The following FSIP2 variants were observed in gnomAD, a reference collection of about 807,000 sequenced individuals.
FSIP2 encodes fibrous sheath interacting protein 2.
Under a neutral mutation model 510.5 loss-of-function variants are expected in FSIP2, and 367 were observed. That is an observed-to-expected ratio of 0.72 (90% CI 0.66 to 0.78). The LOEUF (loss-of-function observed/expected upper bound fraction) is 0.78, where lower values mean the gene tolerates loss of function less well. Ranked by LOEUF, FSIP2 falls within the 30% of genes least tolerant of loss-of-function variation. FSIP2 has a pLI of 0.00. For missense variants in FSIP2, 7,594 were observed against 7,901.7 expected (o/e 0.96, Z 1.48); for synonymous variants, 2,601 against 2,732.2 (o/e 0.95, Z 1.50).
At position 185,801,786 on chromosome 2, in the gene FSIP2, A is replaced by G. The variant is rs558161842; in HGVS notation, c.12480A>G (p.Thr4160=). Residue 4160 remains threonine (T), a synonymous_variant, in exon 17 of 23, where the codon ACA becomes ACG. Transcript: ENST00000424728. ...LLSQLIPPPI[T]CSSLGKKYLM... ...CTCAGCTAATTCCTCCACCCATTAC[A>G]TGTTCCTCTTTAGGAAAAAAATATT... 7 of 1,501,524 alleles carry G rather than the reference A, an allele frequency of 4.7e-6. No homozygotes were observed. Among genetic ancestry groups the G allele is most frequent in the East Asian group, 2.5e-5 (1 of 40,692 alleles). The allele number at this position is 1,501,524 out of a possible 1,614,324, so 93.0% of individuals were successfully genotyped here. A position where few individuals can be genotyped will look rare whatever the true frequency, so the allele number is the denominator to read the frequency against.
At position 185,801,425 on chromosome 2, in the gene FSIP2, C is replaced by A. The variant is rs755846037; in HGVS notation, c.12119C>A (p.Thr4040Lys). The A allele has an allele frequency of 6.5e-7, 1 of 1,533,880 alleles. No individual in the cohort carries two copies. The highest frequency in any genetic ancestry group is 2.4e-5 in the East Asian group (1 of 40,830). Residue 4040 changes from threonine to lysine, a missense_variant, in exon 17 of 23, where the codon ACA becomes AAA. Physicochemically the swap from Thr to Lys is moderately conservative, Grantham distance 78 (BLOSUM62 -1). Transcript: ENST00000424728. ...EERLCFPPVH[T>K]ETVSKIVDSV... The stretch of plus-strand genomic sequence containing the variant: ...AGGCTGTGTTTTCCACCAGTTCATA[C>A]AGAAACTGTTAGCAAAATTGTTGAC...
intron 15 of FSIP2, 92 bp downstream of exon 15, chr2:185,786,380 G>C: frequency 2.5e-6 from 2 of 788,282 alleles, no homozygotes; most frequent in Non-Finnish European, 2.0e-6. Flanking sequence ...TAAGTAATAG[G>C]AATCATCCAT....
rs1692361874 is a variant in FSIP2 at position 185,762,008 on chromosome 2, G to A, written c.1231G>A (p.Asp411Asn). The A allele has an allele frequency of 4.1e-6, 6 of 1,452,732 alleles. No homozygotes were observed. Among genetic ancestry groups the A allele is most frequent in the East Asian group, 5.0e-5 (2 of 40,218 alleles). 90.0% of individuals were successfully genotyped at this position (1,452,732 alleles called of 1,614,324 possible). Residue 411 changes from aspartate to asparagine, a missense_variant, in exon 11 of 23, where the codon GAT (aspartate) becomes AAT (asparagine). Asp to Asn is a conservative substitution (Grantham distance 23). Coordinates refer to ENST00000424728, the MANE Select transcript of FSIP2 (RefSeq NM_173651.4). ...GGTATCTAAAAACTCAAGTATTTTC[G>A]ATGATAGAGGTAAGAAAATAAACAA... is the stretch of plus-strand genomic sequence containing the variant. ...GMVSKNSSIF[D>N]DRGGINISGQ...
rs770813198 is a variant in FSIP2, at chr2:185,790,726, T to A, written c.3590T>A (p.Val1197Asp). 1.3e-6 allele frequency: 2 copies of A among 1,533,742 alleles called. No homozygotes were observed. Among genetic ancestry groups the A allele is most frequent in the Admixed American group, 3.9e-5 (2 of 50,840 alleles). The change falls in exon 16 of 23, where the codon GTT becomes GAT. Residue 1197 changes from valine (V) to aspartate (D), a missense_variant. Transcript: ENST00000424728. The part of the protein sequence containing the change: ...NTTKSSISSS[V>D]HQISLHNSDT... ...ACTAAAAGTTCCATTTCATCATCAG[T>A]TCATCAGATTTCCTTACATAATTCT...
chr2:185,763,030 T>C (rs1200216273), intron 11 of FSIP2, among the ~76,000 whole-genome samples, 153 bp from the exon 12 acceptor site: 3 of 151,552 alleles, frequency 2.0e-5, no homozygotes, highest in Non-Finnish European at 4.4e-5. Flanking sequence ...TTTGGAGATA[T>C]TTCCTTGACT....
chr2:185,804,381 C>A lies in FSIP2; in HGVS notation c.15075C>A (p.Val5025=). Residue 5025 remains valine, a synonymous_variant, in exon 17 of 23, where the codon GTC becomes GTA. Coordinates refer to ENST00000424728, the MANE Select transcript of FSIP2 (RefSeq NM_173651.4). ...ERYKEMVQKI[V]NSVYGKVLDQ... ...ACAAAGAAATGGTTCAAAAAATAGTCAACTCAGTATATGGAAAAGTATTAG... is the reference window on the plus strand; with the variant it reads ...ACAAAGAAATGGTTCAAAAAATAGTAAACTCAGTATATGGAAAAGTATTAG... 1 of 1,501,664 alleles carries A rather than the reference C, an allele frequency of 6.7e-7. No homozygotes were observed. Among genetic ancestry groups the A allele is most frequent in the Non-Finnish European group, 8.8e-7 (1 of 1,131,094 alleles). The allele number at this position is 1,501,664 out of a possible 1,614,324, so 93.0% of individuals were successfully genotyped here.
chr2:185,789,958 T>A lies in FSIP2; in HGVS notation c.2822T>A (p.Ile941Asn), dbSNP rs766656386. 3 of 1,534,308 alleles carry A rather than the reference T, an allele frequency of 2.0e-6. No individual in the cohort carries two copies. The South Asian group carries it at 3.6e-5, about 18-fold the overall frequency. Residue 941 changes from isoleucine to asparagine, a missense_variant, in exon 16 of 23, where the codon ATC (isoleucine) becomes AAC (asparagine). Physicochemically the swap from Ile to Asn is moderately radical, Grantham distance 149 (BLOSUM62 -3). Coordinates refer to ENST00000424728, the MANE Select transcript of FSIP2 (RefSeq NM_173651.4). ...GTACTCCTTCAGCTACTTGAGGACA[T>A]CCTTTTTCAGCTCCATCAGGAACCA... is the stretch of plus-strand genomic sequence containing the variant. Reference protein sequence around the residue: ...TVVLLQLLEDILFQLHQEPVN... With the variant: ...TVVLLQLLEDNLFQLHQEPVN...
rs1693409460 is a variant in FSIP2 at position 185,800,574 on chromosome 2, AT to A, written c.11269del (p.Cys3757ValfsTer35). 2.6e-6 allele frequency: 4 copies of A among 1,529,314 alleles called. No homozygotes were observed. Among genetic ancestry groups the A allele is most frequent in the Non-Finnish European group, 3.5e-6 (4 of 1,143,860 alleles). The allele number at this position is 1,529,314 out of a possible 1,614,324, so 94.7% of individuals were successfully genotyped here. A position where few individuals can be genotyped will look rare whatever the true frequency, so the allele number is the denominator to read the frequency against. On this transcript the variant is annotated frameshift_variant, in exon 17 of 23. Transcript: ENST00000424728. LOFTEE classifies it high-confidence loss of function. ...AATCAGTTTTTCTTCTCAATGTTGT[AT>A]GTGAGAAACTTATCAGAATACTTTT... ...SKSVFLLNVVCEKLIRILLEE... is the reference protein window; with the variant it reads ...SKSVFLLNVVXEKLIRILLEE...
chr2:185,761,929 AG>A lies in FSIP2; in HGVS notation c.1195-42del, dbSNP rs747244915. 47 of 1,050,844 alleles carry A rather than the reference AG, an allele frequency of 4.5e-5. No homozygotes were observed. The South Asian group carries it at 7.2e-4, about 16-fold the overall frequency. The allele number at this position is 1,050,844 out of a possible 1,614,324, so 65.1% of individuals were successfully genotyped here. A position where few individuals can be genotyped will look rare whatever the true frequency, so the allele number is the denominator to read the frequency against. ...AAGGCAGAATCTTTTTTGGAAGTACAGTTACTAATGTAATTTTTTCTCTTCA... is the reference window on the plus strand; with the variant it reads ...AAGGCAGAATCTTTTTTGGAAGTACATTACTAATGTAATTTTTTCTCTTCA... On this transcript the variant is annotated intron_variant, in intron 10 of 22. Coordinates refer to ENST00000424728, the MANE Select transcript of FSIP2 (RefSeq NM_173651.4).
Position 185,804,655 on chromosome 2 carries a change from C to T in FSIP2, c.15349C>T (p.Leu5117Phe). The T allele has an allele frequency of 6.5e-7, 1 of 1,532,956 alleles. No individual in the cohort carries two copies. The highest frequency in any genetic ancestry group is 8.7e-7 in the Non-Finnish European group (1 of 1,144,782). The allele number at this position is 1,532,956 out of a possible 1,614,324, so 95.0% of individuals were successfully genotyped here. The change falls in exon 17 of 23, where the codon CTT becomes TTT. Residue 5117 changes from leucine (L) to phenylalanine (F), a missense_variant. Leu to Phe is a conservative substitution (Grantham distance 22). Transcript: ENST00000424728. ...PPYITVLPHS[L>F]LEDMVYRLLG... ...ATATATTACTGTGTTGCCTCATTCT[C>T]TTTTAGAAGATATGGTTTACAGGCT...
chr2:185,814,696 G>T (rs1693798815), intron 18 of FSIP2, among the ~76,000 whole-genome samples: 1 of 151,884 alleles, frequency 6.6e-6, no homozygotes, highest in South Asian at 2.1e-4. Context: ...ACATTTTAAT[G>T]GAAAAAAGTT....
rs551288794 is a variant in FSIP2 at position 185,776,098 on chromosome 2, T to C, written c.1412-6607T>C. Among the ~76,000 whole-genome samples, 25 of 152,256 alleles carry C rather than the reference T, an allele frequency of 1.6e-4. 1 individual carries two copies. Among genetic ancestry groups the C allele is most frequent in the African/African-American group, 1.7e-4 (7 of 41,556 alleles). On this transcript the variant is annotated intron_variant, in intron 13 of 22. Transcript: ENST00000424728. ...CAGACTGGGCAAAATGGTGATACAC[T>C]GTCTCTACCTAAAGTACAAAAACTT...
Position 185,793,935 on chromosome 2 carries a change from G to A in FSIP2, c.6799G>A (p.Glu2267Lys). Residue 2267 changes from glutamate (E) to lysine (K), a missense_variant, in exon 16 of 23, where the codon GAA (glutamate) becomes AAA (lysine). Transcript: ENST00000424728. The part of the protein sequence containing the change: ...IFKRLESFAT[E>K]RIDSLITLAF... ...TAAACGTTTGGAATCTTTTGCCACA[G>A]AAAGAATAGATTCATTAATTACCCT... The A allele has an allele frequency of 6.6e-7, 1 of 1,525,096 alleles. No homozygotes were observed. The highest frequency in any genetic ancestry group is 8.8e-7 in the Non-Finnish European group (1 of 1,142,466). 94.5% of individuals were successfully genotyped at this position (1,525,096 alleles called of 1,614,324 possible).
intron 9 of FSIP2, among the ~76,000 whole-genome samples, chr2:185,759,740 A>T (rs1047795958): frequency 6.7e-6 from 1 of 149,172 alleles, no homozygotes; most frequent in Non-Finnish European, 1.5e-5. Flanking sequence ...CGAATTTTTA[A>T]TTTATTATAA....
rs1488428195 is a variant in FSIP2 at position 185,802,559 on chromosome 2, T to C, written c.13253T>C (p.Leu4418Pro). 3.3e-6 allele frequency: 5 copies of C among 1,529,864 alleles called. No individual in the cohort carries two copies. The highest frequency in any genetic ancestry group is 2.0e-5 in the Admixed American group (1 of 50,082). 94.8% of individuals were successfully genotyped at this position (1,529,864 alleles called of 1,614,324 possible). A position where few individuals can be genotyped will look rare whatever the true frequency, so the allele number is the denominator to read the frequency against. Residue 4418 changes from leucine (L) to proline (P), a missense_variant, in exon 17 of 23, where the codon CTT (leucine) becomes CCT (proline). Leu to Pro is a moderately conservative substitution (Grantham distance 98). Coordinates refer to ENST00000424728, the MANE Select transcript of FSIP2 (RefSeq NM_173651.4). ...LIVAAISDYL[L>P]HPLFSGDFSA... ...GTAGCAGCTATTTCAGATTACCTTC[T>C]TCATCCACTGTTTTCTGGGGATTTT...
intron 13 of FSIP2, among the ~76,000 whole-genome samples, chr2:185,777,222 GGT>G (rs1294006697): frequency 2.6e-5 from 4 of 152,156 alleles, no homozygotes; most frequent in African/African-American, 7.2e-5. Context: ...AGCTGAGGGA[GGT>G]TAGGGGTAGA....
intron 4 of FSIP2, 130 bp downstream of exon 4, chr2:185,744,541 G>C (rs1691985994): frequency 4.0e-6 from 1 of 252,930 alleles, no homozygotes; most frequent in East Asian, 6.4e-5. Context: ...TTTTTTCCAA[G>C]TGAAAATTTA....
Position 185,800,567 on chromosome 2 carries a change from A to C in FSIP2, c.11261A>C (p.Asn3754Thr), listed in dbSNP as rs1693408953. 6.5e-7 allele frequency: 1 copy of C among 1,528,540 alleles called. No individual in the cohort carries two copies. Among genetic ancestry groups the C allele is most frequent in the African/African-American group, 1.4e-5 (1 of 72,592 alleles). 94.7% of individuals were successfully genotyped at this position (1,528,540 alleles called of 1,614,324 possible). A position where few individuals can be genotyped will look rare whatever the true frequency, so the allele number is the denominator to read the frequency against. Residue 3754 changes from asparagine (N) to threonine (T), a missense_variant, in exon 17 of 23, where the codon AAT becomes ACT. Coordinates refer to ENST00000424728, the MANE Select transcript of FSIP2 (RefSeq NM_173651.4). ...TCCTCAAAATCAGTTTTTCTTCTCA[A>C]TGTTGTATGTGAGAAACTTATCAGA... ...QLSSKSVFLL[N>T]VVCEKLIRIL...
chr2:185,754,135 G>T (rs1026385023), intron 8 of FSIP2, among the ~76,000 whole-genome samples: 1 of 151,220 alleles, frequency 6.6e-6, no homozygotes, highest in African/African-American at 2.4e-5. Context: ...TTGTATCTAG[G>T]ATAACCACTA....
Sources: allele counts gnomAD v4.1 joint callset (sites outside exome capture counted in the v4.1 genomes callset), GRCh38; gene constraint gnomAD v4.1.1; transcripts MANE v1.5; gene names NCBI Gene and HGNC (gene_info 2026-07-23, HGNC 2026-07-21).